Variants in COMMD10 observed in about 807,000 individuals in gnomAD.
The protein encoded by COMMD10 is COMM domain containing 10.
COMMD10 carries 33 observed loss-of-function variants against 28.9 expected under a neutral mutation model. The ratio of observed to expected loss-of-function variants is 1.14; its 90% CI spans 0.87 to 1.53. The LOEUF (loss-of-function observed/expected upper bound fraction) is 1.53, where lower values mean the gene tolerates loss of function less well. Ranked by LOEUF, COMMD10 falls within the 40% of genes most tolerant of loss-of-function variation. COMMD10 has a pLI of 0.00. For synonymous variants in COMMD10, 110 were observed against 81.7 expected (o/e 1.35, Z -1.87); for missense variants, 310 against 233.4 (o/e 1.33, Z -2.14).
At chr5:116,116,846 A>AATGCAGAGATTTTAATT (rs1257345299) in intron 4 of COMMD10, among the ~76,000 whole-genome samples, 1 of 152,076 alleles carries the variant, frequency 6.6e-6, no homozygotes, top group Non-Finnish European at 1.5e-5. Context: ...AGCCTCCCAA[A>AATGCAGAGATTTTAATT]ATGCAGAGAT....
intron 5 of COMMD10, among the ~76,000 whole-genome samples, chr5:116,171,010 T>G (rs1753310465): frequency 6.6e-6 from 1 of 152,126 alleles, no homozygotes; most frequent in Non-Finnish European, 1.5e-5. Context: ...CTAAAGAGCT[T>G]CTGCACAGCA....
chr5:116,217,274 A>G lies in COMMD10; in HGVS notation c.511-74243A>G, dbSNP rs925971569. 1.4e-4 allele frequency among the ~76,000 whole-genome samples: 22 copies of G among 152,098 alleles called. 1 individual carries two copies. Among genetic ancestry groups the G allele is most frequent in the Admixed American group, 1.3e-3 (20 of 15,282 alleles). ...AAACAGTCGTGGTATTTCAGGCAGA[A>G]CATGGGCAGACAGTCATTAACAGTA... On this transcript the variant is annotated intron_variant, in intron 5 of 6. Transcript: ENST00000274458.
intron 4 of COMMD10, among the ~76,000 whole-genome samples, chr5:116,099,232 C>G (rs773616966): frequency 6.6e-6 from 1 of 152,156 alleles, no homozygotes; most frequent in Non-Finnish European, 1.5e-5. Context: ...TTTTGTCTTT[C>G]TGTGCCTGGC....
intron 5 of COMMD10, among the ~76,000 whole-genome samples, chr5:116,262,402 A>C (rs981604872): frequency 6.6e-6 from 1 of 151,746 alleles, no homozygotes; most frequent in Non-Finnish European, 1.5e-5. Flanking sequence ...AGTTAGACCT[A>C]AGAGGATTTA....
chr5:116,277,915 TTC>T (rs1172454039), intron 5 of COMMD10, among the ~76,000 whole-genome samples: 1 of 151,888 alleles, frequency 6.6e-6, no homozygotes, highest in Admixed American at 6.6e-5. Flanking sequence ...TCATTTAAAT[TTC>T]TGTCTATGAA....
Position 116,149,682 on chromosome 5 carries a change from T to C in COMMD10, c.510+15504T>C, listed in dbSNP as rs1301695686. Among the ~76,000 whole-genome samples the C allele has an allele frequency of 2.0e-3, 299 of 150,866 alleles. 2 individuals are homozygous for C. Among genetic ancestry groups the C allele is most frequent in the African/African-American group, 6.4e-3 (263 of 41,084 alleles). On this transcript the variant is annotated intron_variant, in intron 5 of 6. Transcript: ENST00000274458. ...TTGAGAAGTGTCTGTTCATGTCCTT[T>C]GCCCACTTTTTGATGGGGTTGTTTG...
At chr5:116,104,626 C>CTT (rs888264145) in intron 4 of COMMD10, among the ~76,000 whole-genome samples, 7 of 145,700 alleles carry the variant, frequency 4.8e-5, no homozygotes, top group African/African-American at 1.7e-4. Flanking sequence ...TCTTTTTTTT[C>CTT]TTTTTTTTTT....
intron 5 of COMMD10, among the ~76,000 whole-genome samples, chr5:116,145,717 G>T (rs1752326986): frequency 6.6e-6 from 1 of 151,810 alleles, no homozygotes; most frequent in Admixed American, 6.6e-5. Flanking sequence ...GAATCATGAG[G>T]GTGGTTCCCC....
chr5:116,173,507 G>T (rs923589256), intron 5 of COMMD10, among the ~76,000 whole-genome samples: 5 of 152,080 alleles, frequency 3.3e-5, no homozygotes, highest in African/African-American at 1.2e-4. Flanking sequence ...CAAAGAGCTA[G>T]ATTTTATTTT....
intron 5 of COMMD10, among the ~76,000 whole-genome samples, chr5:116,178,485 T>C (rs1467406771): frequency 6.6e-6 from 1 of 152,136 alleles, no homozygotes; most frequent in Non-Finnish European, 1.5e-5. Context: ...ATAAAATCCC[T>C]GAAGGCACCA....
At chr5:116,113,189 A>G (rs1000096483) in intron 4 of COMMD10, among the ~76,000 whole-genome samples, 1 of 151,964 alleles carries the variant, frequency 6.6e-6, no homozygotes, top group Non-Finnish European at 1.5e-5. Flanking sequence ...GTCTGCTGTT[A>G]GTTTGATGGA....
At chr5:116,113,589 G>A (rs566529537) in intron 4 of COMMD10, among the ~76,000 whole-genome samples, 67 of 151,742 alleles carry the variant, frequency 4.4e-4, no homozygotes, top group African/African-American at 1.6e-3. Context: ...TATTATTGGA[G>A]TTTCCATGTA....
At chr5:116,156,364 C>A (rs974806820) in intron 5 of COMMD10, among the ~76,000 whole-genome samples, 3 of 152,016 alleles carry the variant, frequency 2.0e-5, no homozygotes, top group Non-Finnish European at 4.4e-5. Flanking sequence ...ATAGTAGGTG[C>A]CTCACAAGGT....
At chr5:116,093,639 A>G (rs903704345) in intron 4 of COMMD10, among the ~76,000 whole-genome samples, 13 of 152,192 alleles carry the variant, frequency 8.5e-5, no homozygotes, top group Non-Finnish European at 4.4e-5. Context: ...GCACGGCTCC[A>G]TTTTAAGAGT....
intron 5 of COMMD10, among the ~76,000 whole-genome samples, chr5:116,268,493 A>G (rs374096217): frequency 6.6e-6 from 1 of 152,048 alleles, no homozygotes; most frequent in African/African-American, 2.4e-5. Flanking sequence ...ACACTTTTAC[A>G]CTATTGGTGA....
At chr5:116,132,390 T>C (rs1484084821) in intron 4 of COMMD10, among the ~76,000 whole-genome samples, 1 of 152,146 alleles carries the variant, frequency 6.6e-6, no homozygotes, top group Non-Finnish European at 1.5e-5. Flanking sequence ...TAGCTGGTGA[T>C]AGTTTAAGCA....
At chr5:116,177,593 C>G (rs761873962) in intron 5 of COMMD10, among the ~76,000 whole-genome samples, 1 of 150,458 alleles carries the variant, frequency 6.6e-6, no homozygotes, top group African/African-American at 2.4e-5. Flanking sequence ...CTGTTAGTTT[C>G]TTTTCATCCC....
chr5:116,291,036 G>A (rs1751346417), intron 5 of COMMD10, among the ~76,000 whole-genome samples: 1 of 152,130 alleles, frequency 6.6e-6, no homozygotes, highest in Non-Finnish European at 1.5e-5. Flanking sequence ...CATTGAAGAA[G>A]GTAACACTCA....
intron 5 of COMMD10, among the ~76,000 whole-genome samples, chr5:116,147,052 A>C (rs1404162922): frequency 6.6e-6 from 1 of 151,820 alleles, no homozygotes; most frequent in African/African-American, 2.4e-5. Flanking sequence ...GGCCATCCCG[A>C]GATAGCTAAT....
Sources: gnomAD v4.1 joint callset for allele counts (sites outside exome capture counted in the v4.1 genomes callset) on GRCh38, gnomAD v4.1.1 for gene constraint, MANE v1.5 for transcripts, NCBI Gene and HGNC (gene_info 2026-07-23, HGNC 2026-07-21) for gene names.